The following SLC41A3 variants were observed in gnomAD, a reference collection of about 807,000 sequenced individuals.
SLC41A3 encodes the protein SLC41A1-like 2.
A neutral mutation model predicts 45.4 loss-of-function variants in SLC41A3; 44 were observed. The ratio of observed to expected loss-of-function variants is 0.97; its 90% CI spans 0.76 to 1.25. SLC41A3 has a LOEUF of 1.25. SLC41A3 is among the 50% of genes most tolerant of loss of function. The pLI is 0.00. For missense variants in SLC41A3, 550 were observed against 600.6 expected, an observed-to-expected ratio of 0.92 and a Z score of 0.88; for synonymous variants, 256 against 252.4, an observed-to-expected ratio of 1.01 and a Z score of -0.13.
chr3:126,067,305 G>A (rs1046216111), intron 2 of SLC41A3, among the ~76,000 whole-genome samples: 2 of 152,150 alleles, frequency 1.3e-5, no homozygotes, highest in African/African-American at 2.4e-5. Context: ...TTATGTCCCT[G>A]CAAAAATTCG....
At chr3:126,071,425 G>A (rs1020360245) in intron 1 of SLC41A3, among the ~76,000 whole-genome samples, 1 of 152,024 alleles carries the variant, frequency 6.6e-6, no homozygotes, top group African/African-American at 2.4e-5. Context: ...CAGAACTGAA[G>A]GAAGAAAAAG....
intron 1 of SLC41A3, chr3:126,083,878 C>T (rs1191317066): frequency 6.7e-6 from 1 of 148,402 alleles, no homozygotes; most frequent in African/African-American, 2.5e-5. Flanking sequence ...GTGTTTACCT[C>T]ATCTCCCGCG....
chr3:126,080,812 G>A (rs1945110851), intron 1 of SLC41A3, among the ~76,000 whole-genome samples: 1 of 152,184 alleles, frequency 6.6e-6, no homozygotes. Context: ...TTAGCTGGGT[G>A]TGGTGACACA....
intron 3 of SLC41A3, among the ~76,000 whole-genome samples, chr3:126,039,158 T>C (rs1175160187): frequency 6.6e-6 from 1 of 152,220 alleles, no homozygotes; most frequent in Admixed American, 6.5e-5. Context: ...CTTTTCTTTA[T>C]AAATTACCCA....
At chr3:126,039,355 C>A (rs547177165) in intron 3 of SLC41A3, among the ~76,000 whole-genome samples, 3 of 152,328 alleles carry the variant, frequency 2.0e-5, no homozygotes, top group Non-Finnish European at 4.4e-5. Context: ...AGCCACAGCT[C>A]CTGAATCTCA....
chr3:126,067,830 T>C, intron 2 of SLC41A3, 117 bp downstream of exon 2: 3 of 1,289,166 alleles, frequency 2.3e-6, no homozygotes, highest in South Asian at 3.5e-5. Context: ...AAAAAAAAAA[T>C]GGCTTTTCAA....
In SLC41A3 at chr3:126,015,527, T is replaced by G. The variant is rs1940192508; in HGVS notation, c.937A>C (p.Lys313Gln). ...LSKTVSKQQY[K>Q]GMAIFTPVIC... ...ACGGGGGTAAATATCGCCATGCCTT[T>G]GTACTGCTGTTTAGAAACGGTTTTG... Residue 313 changes from lysine (K) to glutamine (Q), a missense_variant, in exon 8 of 11, where the codon AAA becomes CAA. Coordinates refer to ENST00000360370, the MANE Select transcript of SLC41A3 (RefSeq NM_017836.4). The G allele has an allele frequency of 2.2e-5, 36 of 1,614,210 alleles. No homozygotes were observed. Among genetic ancestry groups the G allele is most frequent in the Non-Finnish European group, 3.1e-5 (36 of 1,180,028 alleles).
intron 2 of SLC41A3, among the ~76,000 whole-genome samples, chr3:126,059,250 A>AGAAC (rs1285379539): frequency 4.4e-4 from 1 of 2,292 alleles, no homozygotes; most frequent in Non-Finnish European, 2.7e-3. Flanking sequence ...AAAGAAAGAA[A>AGAAC]GAAAGAAAGA....
At chr3:126,030,336 A>G (rs2107753190) in intron 4 of SLC41A3, among the ~76,000 whole-genome samples, 1 of 150,414 alleles carries the variant, frequency 6.6e-6, no homozygotes, top group East Asian at 1.9e-4. Context: ...ACTGGACTTC[A>G]TTATTCTAGA....
intron 3 of SLC41A3, among the ~76,000 whole-genome samples, chr3:126,044,187 C>T (rs1299015640): frequency 3.3e-5 from 5 of 152,172 alleles, no homozygotes; most frequent in Admixed American, 6.5e-5. Flanking sequence ...AAGTCAAAAA[C>T]CATTGCAAGA....
At chr3:126,009,003 T>A (rs2107635712) in intron 9 of SLC41A3, 123 bp from the exon 10 acceptor site, 1 of 1,213,046 alleles carries the variant, frequency 8.2e-7, no homozygotes, top group Non-Finnish European at 1.2e-6. Flanking sequence ...ACTGGACACC[T>A]ACTCTGTGGC....
intron 1 of SLC41A3, among the ~76,000 whole-genome samples, chr3:126,091,617 A>T (rs985173185): frequency 2.6e-5 from 4 of 152,128 alleles, no homozygotes; most frequent in Non-Finnish European, 5.9e-5. Flanking sequence ...CTTCAGAGAG[A>T]GTAGATTGTA....
At chr3:126,043,815 A>G (rs1942755656) in intron 3 of SLC41A3, among the ~76,000 whole-genome samples, 1 of 81,586 alleles carries the variant, frequency 1.2e-5, no homozygotes, top group African/African-American at 3.2e-5. Context: ...AAAAAAAACA[A>G]AAAAACAAAA....
In SLC41A3 at chr3:126,026,602, C is replaced by A. The variant is rs2107730467; in HGVS notation, c.454-123G>T. On this transcript the variant is annotated intron_variant, in intron 4 of 10. Transcript: ENST00000360370. This position sits in a 1 kb window ranked among gnomAD's most constrained non-coding sequence, Gnocchi z 4.2. ...CATGCTACTGCCTCCTTTCCCTTAC[C>A]CTAAAATCTCACAGGCCCTCACCCC... The A allele has an allele frequency of 3.1e-6, 4 of 1,288,580 alleles. No homozygotes were observed. The East Asian group carries it at 1.0e-4, about 33-fold the overall frequency. The allele number at this position is 1,288,580 out of a possible 1,614,324, so 79.8% of individuals were successfully genotyped here.
chr3:126,037,186 T>C (rs747985822), intron 3 of SLC41A3, among the ~76,000 whole-genome samples: 60 of 152,148 alleles, frequency 3.9e-4, no homozygotes, highest in Admixed American at 8.5e-4. Flanking sequence ...TAGCACCTCC[T>C]TCCCTTCTCC....
chr3:126,079,680 T>C (rs576187296), intron 1 of SLC41A3, among the ~76,000 whole-genome samples: 3 of 152,306 alleles, frequency 2.0e-5, no homozygotes, highest in South Asian at 2.1e-4. Flanking sequence ...ACAGATTCAA[T>C]GCAATCACTA....
At chr3:126,093,567 G>A (rs1945535824) in intron 1 of SLC41A3, among the ~76,000 whole-genome samples, 1 of 152,162 alleles carries the variant, frequency 6.6e-6, no homozygotes, top group African/African-American at 2.4e-5. Context: ...TTGCCATCAG[G>A]GACAATAGGA....
chr3:126,096,390 C>A (rs117576715), intron 1 of SLC41A3, among the ~76,000 whole-genome samples: 1 of 107,480 alleles, frequency 9.3e-6, no homozygotes, highest in Admixed American at 9.0e-5. Flanking sequence ...AGCCCCCCCA[C>A]CCCAAAAAAA....
intron 6 of SLC41A3, 112 bp from the exon 7 acceptor site, chr3:126,016,987 T>A: frequency 2.3e-6 from 3 of 1,319,180 alleles, no homozygotes; most frequent in Non-Finnish European, 3.0e-6. Flanking sequence ...TCCTCATCAG[T>A]TGAGGGGGAA....
Sources: gnomAD v4.1 joint callset for allele counts (sites outside exome capture counted in the v4.1 genomes callset) on GRCh38, gnomAD v4.1.1 for gene constraint, Gnocchi (gnomAD v3.1) non-coding constraint, MANE v1.5 for transcripts, NCBI Gene and HGNC (gene_info 2026-07-23, HGNC 2026-07-21) for gene names.